The following CLNK variants were observed in gnomAD, a reference collection of about 807,000 sequenced individuals.
CLNK encodes cytokine dependent hematopoietic cell linker.
In CLNK, 74 loss-of-function variants were observed where a neutral mutation model predicts 68.6. That is an observed-to-expected ratio of 1.08 (90% CI 0.89 to 1.31). The LOEUF is 1.31. Among genes scored for constraint, CLNK ranks in the 50% most tolerant of loss-of-function variants. The pLI is 0.00. For missense variants in CLNK, 553 were observed against 515.3 expected (o/e 1.07, Z -0.71); for synonymous variants, 198 against 172.2 (o/e 1.15, Z -1.17).
chr4:10,579,213 C>G (rs1415252989), intron 4 of CLNK, among the ~76,000 whole-genome samples: 2 of 152,196 alleles, frequency 1.3e-5, no homozygotes, highest in Non-Finnish European at 2.9e-5. Flanking sequence ...TTTCCCCTGG[C>G]AGGTTCCAAA....
At chr4:10,674,357 C>T (rs949603821) in intron 1 of CLNK, among the ~76,000 whole-genome samples, 8 of 152,162 alleles carry the variant, frequency 5.3e-5, no homozygotes, top group Admixed American at 2.0e-4. Flanking sequence ...GAGTGCTAGA[C>T]GCCAATGCAA....
chr4:10,587,580 T>C (rs1721015729), intron 3 of CLNK, among the ~76,000 whole-genome samples: 1 of 152,182 alleles, frequency 6.6e-6, no homozygotes, highest in African/African-American at 2.4e-5. Context: ...AGTGAAGCAG[T>C]AAGATGTTTG....
At chr4:10,564,468 T>G (rs1413885003) in intron 7 of CLNK, among the ~76,000 whole-genome samples, 1 of 152,214 alleles carries the variant, frequency 6.6e-6, no homozygotes, top group Non-Finnish European at 1.5e-5. Context: ...GAATTATCCT[T>G]CTTTCTAGAG....
intron 2 of CLNK, among the ~76,000 whole-genome samples, chr4:10,630,553 G>T (rs536231492): frequency 3.9e-5 from 6 of 152,278 alleles, no homozygotes; most frequent in African/African-American, 2.4e-5. Flanking sequence ...TGAATTCTAG[G>T]AGGGGAAGAG....
the CLNK span, chr4:10,697,783 C>G: frequency 6.6e-6 from 1 of 152,306 alleles, no homozygotes; most frequent in Middle Eastern, 3.4e-3. Flanking sequence ...GAACATTGAA[C>G]TGTAACCAAT....
intron 8 of CLNK, among the ~76,000 whole-genome samples, chr4:10,556,541 C>A (rs1719679907): frequency 6.6e-6 from 1 of 152,000 alleles, no homozygotes; most frequent in Non-Finnish European, 1.5e-5. Context: ...GAGTGGATGC[C>A]CATAGTGAAC....
At chr4:10,520,910 A>G (rs949228063) in intron 14 of CLNK, 79 bp from the exon 15 acceptor site, 26 of 969,754 alleles carry the variant, frequency 2.7e-5, no homozygotes, top group Non-Finnish European at 3.6e-5. Context: ...GGCAAGGTCA[A>G]TGATAATAGC....
At chr4:10,699,466 G>GTCTCTGTCTCTC in the CLNK span, among the ~76,000 whole-genome samples, 296 of 60,568 alleles carry the variant, frequency 4.9e-3, no homozygotes, top group Non-Finnish European at 5.5e-3. Flanking sequence ...CATCCTCTCT[G>GTCTCTGTCTCTC]TCTCTCTCTC....
chr4:10,589,607 C>T (rs1185250386), intron 3 of CLNK, among the ~76,000 whole-genome samples: 1 of 145,664 alleles, frequency 6.9e-6, no homozygotes, highest in East Asian at 1.9e-4. Context: ...AGAAACAAAG[C>T]AGGGAGGGAA....
At chr4:10,548,682 A>G (rs1443607868) in intron 8 of CLNK, among the ~76,000 whole-genome samples, 1 of 152,180 alleles carries the variant, frequency 6.6e-6, no homozygotes, top group Admixed American at 6.5e-5. Flanking sequence ...ATTTCCTTGC[A>G]TGGTGTGAGG....
chr4:10,524,401 T>C (rs935535001), intron 14 of CLNK, among the ~76,000 whole-genome samples: 5 of 152,198 alleles, frequency 3.3e-5, no homozygotes, highest in African/African-American at 1.2e-4. Context: ...AAGTTTCTCA[T>C]GTAATACAGT....
At chr4:10,679,971 G>A (rs1725030324) in intron 1 of CLNK, among the ~76,000 whole-genome samples, 1 of 152,082 alleles carries the variant, frequency 6.6e-6, no homozygotes, top group South Asian at 2.1e-4. Flanking sequence ...ATTCCTCAGG[G>A]ATCTAGAACT....
chr4:10,584,929 G>T lies in CLNK; in HGVS notation c.110C>A (p.Thr37Lys), dbSNP rs1330698869. ...GGTGACAGAGAGCCCCGACTCACCT[G>T]TGGCACTATTGATGCGAGGCCATGA... Reference protein sequence around the residue: ...NRSWPRINSATGQYQRMNKPL... With the variant: ...NRSWPRINSAKGQYQRMNKPL... Residue 37 changes from threonine to lysine, a missense_variant and splice_region_variant, in exon 4 of 19, where the codon ACA becomes AAA. Transcript: ENST00000226951. 1 of 1,613,806 alleles carries T rather than the reference G, an allele frequency of 6.2e-7. No homozygotes were observed. Among genetic ancestry groups the T allele is most frequent in the South Asian group, 1.1e-5 (1 of 90,996 alleles).
At chr4:10,626,519 A>G (rs1214716689) in intron 2 of CLNK, among the ~76,000 whole-genome samples, 1 of 152,044 alleles carries the variant, frequency 6.6e-6, no homozygotes, top group African/African-American at 2.4e-5. Context: ...TTAAGTTTAT[A>G]TTTATAGAAT....
intron 2 of CLNK, among the ~76,000 whole-genome samples, chr4:10,658,905 T>C (rs932346607): frequency 9.9e-5 from 15 of 152,166 alleles, no homozygotes; most frequent in African/African-American, 3.6e-4. Flanking sequence ...CTTTGGAAAG[T>C]ATTAGATTGG....
rs146903356 is a variant in CLNK, at chr4:10,650,404, G to A, written c.11+17455C>T. Reference sequence around the variant, plus strand: ...AAAATAGAGAATCAGGATATCCAACGTATCCAAAGCAGGTTAAATAAGAAA... The same window carrying A: ...AAAATAGAGAATCAGGATATCCAACATATCCAAAGCAGGTTAAATAAGAAA... On this transcript the variant is annotated intron_variant, in intron 2 of 18. Transcript: ENST00000226951. 9.2e-4 allele frequency among the ~76,000 whole-genome samples: 140 copies of A among 152,114 alleles called. 4 individuals carry two copies. The East Asian group carries it at 0.023, about 25-fold the overall frequency.
intron 14 of CLNK, among the ~76,000 whole-genome samples, 163 bp from the exon 15 acceptor site, chr4:10,520,994 A>C (rs1577103471): frequency 6.6e-6 from 1 of 152,354 alleles, no homozygotes; most frequent in African/African-American, 2.4e-5. Context: ...GAAAAGCACT[A>C]GGAGGCATGT....
At chr4:10,595,554 T>C (rs1721352928) in intron 3 of CLNK, among the ~76,000 whole-genome samples, 1 of 152,202 alleles carries the variant, frequency 6.6e-6, no homozygotes, top group Admixed American at 6.5e-5. Flanking sequence ...AGCACTCAGC[T>C]TGGTGTTTTA....
chr4:10,570,142 G>A (rs937784050), intron 5 of CLNK, among the ~76,000 whole-genome samples: 1 of 152,198 alleles, frequency 6.6e-6, no homozygotes, highest in African/African-American at 2.4e-5. Context: ...TTTGTGCAAA[G>A]GTGCCATTTA....
Sources: gnomAD v4.1 joint callset for allele counts (sites outside exome capture counted in the v4.1 genomes callset) on GRCh38, gnomAD v4.1.1 for gene constraint, MANE v1.5 for transcripts, NCBI Gene and HGNC (gene_info 2026-07-23, HGNC 2026-07-21) for gene names.